OPCML: variants seen among roughly 807,000 people sequenced by gnomAD.
OPCML encodes opioid binding protein/cell adhesion molecule like, also known as opioid-binding protein/cell adhesion molecule.
In OPCML, 13 loss-of-function variants were observed where a neutral mutation model predicts 37.8. That is an observed-to-expected ratio of 0.34 (90% CI 0.22 to 0.55). The LOEUF (loss-of-function observed/expected upper bound fraction) is 0.55. Ranked by LOEUF, OPCML falls within the 20% of genes least tolerant of loss-of-function variation. The pLI is 0.91. For synonymous variants in OPCML, 176 were observed against 168.8 expected (o/e 1.04, Z -0.33); for missense variants, 341 against 435.6 (o/e 0.78, Z 1.93).
At chr11:132,507,057 A>G (rs2096258612) in intron 4 of OPCML, among the ~76,000 whole-genome samples, 1 of 152,030 alleles carries the variant, frequency 6.6e-6, no homozygotes, top group African/African-American at 2.4e-5. Flanking sequence ...AAAGTAGGAA[A>G]TACAATCTTA....
At chr11:133,309,664 C>T (rs910978702) in intron 1 of OPCML, among the ~76,000 whole-genome samples, 3 of 152,118 alleles carry the variant, frequency 2.0e-5, no homozygotes, top group African/African-American at 7.2e-5. Flanking sequence ...GATAATTATT[C>T]TATGGTTATA....
At chr11:132,597,596 T>C (rs1293677738) in intron 3 of OPCML, among the ~76,000 whole-genome samples, 1 of 152,174 alleles carries the variant, frequency 6.6e-6, no homozygotes, top group Non-Finnish European at 1.5e-5. Flanking sequence ...ACTACTGATA[T>C]TATTGATTAA....
chr11:133,219,696 A>G (rs933683624), intron 1 of OPCML, among the ~76,000 whole-genome samples: 8 of 152,136 alleles, frequency 5.3e-5, no homozygotes, highest in Non-Finnish European at 2.9e-5. Flanking sequence ...CCCTTGACAG[A>G]GGAGCCCAGA....
At chr11:133,126,340 C>A (rs544224201) in intron 1 of OPCML, among the ~76,000 whole-genome samples, 1 of 152,172 alleles carries the variant, frequency 6.6e-6, no homozygotes, top group African/African-American at 2.4e-5. Flanking sequence ...TGGATGATGC[C>A]CACGCACACT....
At chr11:133,058,811 A>G (rs529813549) in intron 1 of OPCML, among the ~76,000 whole-genome samples, 214 of 152,360 alleles carry the variant, frequency 1.4e-3, no homozygotes, top group Middle Eastern at 3.4e-3. Context: ...AAGGATAAAA[A>G]TAATCTGGCA....
intron 2 of OPCML, among the ~76,000 whole-genome samples, chr11:132,722,700 A>T (rs1316308508): frequency 1.3e-5 from 2 of 152,112 alleles, no homozygotes; most frequent in African/African-American, 4.8e-5. Flanking sequence ...AGGCATTAGC[A>T]GTAGGAGGGA....
intron 1 of OPCML, among the ~76,000 whole-genome samples, chr11:133,061,809 A>G (rs997847160): frequency 1.3e-5 from 2 of 151,976 alleles, no homozygotes; most frequent in Admixed American, 6.6e-5. Context: ...TCCGCAAGTC[A>G]GATTAGACAG....
At chr11:133,209,672 T>C (rs1939268715) in intron 1 of OPCML, among the ~76,000 whole-genome samples, 1 of 152,198 alleles carries the variant, frequency 6.6e-6, no homozygotes, top group Admixed American at 6.5e-5. Context: ...AGTGCACAGC[T>C]ACGAGTAGAC....
At chr11:132,701,944 C>T (rs1361323738) in intron 2 of OPCML, among the ~76,000 whole-genome samples, 3 of 151,984 alleles carry the variant, frequency 2.0e-5, no homozygotes, top group South Asian at 2.1e-4. Context: ...CAACCACATA[C>T]GAAATTCTAC....
At chr11:133,484,119 T>TAG (rs560599451) in intron 1 of OPCML, among the ~76,000 whole-genome samples, 13,794 of 149,778 alleles carry the variant, frequency 0.092, 1,073 homozygotes, top group African/African-American at 0.2. Context: ...AGATGATAGA[T>TAG]AGATGATTGA....
intron 2 of OPCML, among the ~76,000 whole-genome samples, chr11:132,756,895 A>T (rs1055180787): frequency 2.6e-5 from 4 of 152,144 alleles, no homozygotes; most frequent in African/African-American, 9.7e-5. Flanking sequence ...CCCATCATCT[A>T]CATTGGGTAT....
At chr11:132,928,180 C>A (rs1394823004) in intron 2 of OPCML, among the ~76,000 whole-genome samples, 1 of 151,968 alleles carries the variant, frequency 6.6e-6, no homozygotes, top group African/African-American at 2.4e-5. Flanking sequence ...TCTAAAAACA[C>A]AGATTGGCAG....
rs1944662029 is a variant in OPCML, at chr11:132,917,960, C to T, written c.146+24966G>A. ...GGTGCTCCATGATTTCTGGAAGAAA[C>T]TCATCCACTTCTACCTCCATGCTTG... On this transcript the variant is annotated intron_variant, in intron 2 of 7. Coordinates refer to ENST00000524381, the MANE Select transcript of OPCML (RefSeq NM_001012393.5). 2.0e-5 allele frequency among the ~76,000 whole-genome samples: 3 copies of T among 152,282 alleles called. No homozygotes were observed. In the South Asian group the frequency reaches 6.2e-4, roughly 32 times the overall value.
intron 1 of OPCML, among the ~76,000 whole-genome samples, chr11:133,471,575 C>A (rs1023782061): frequency 5.7e-4 from 86 of 152,178 alleles, no homozygotes; most frequent in African/African-American, 2.0e-3. Context: ...CACAGATATT[C>A]CACTGTATTC....
rs557584845 is a variant in OPCML, at chr11:132,433,488, T to A, written c.916+2598A>T. ...CTTGAAGCAGGCGTTAATGTCCCAA[T>A]AGCATATATGCGGGAAGGAAGACTC... is the stretch of plus-strand genomic sequence containing the variant. On this transcript the variant is annotated intron_variant, in intron 7 of 7. Coordinates refer to ENST00000524381, the MANE Select transcript of OPCML (RefSeq NM_001012393.5). Among the ~76,000 whole-genome samples, 3 of 152,292 alleles carry A rather than the reference T, an allele frequency of 2.0e-5. No individual in the cohort carries two copies. The South Asian group carries it at 6.2e-4, about 32-fold the overall frequency.
intron 3 of OPCML, among the ~76,000 whole-genome samples, chr11:132,559,578 CA>C (rs2096406000): frequency 6.6e-6 from 1 of 152,008 alleles, no homozygotes; most frequent in South Asian, 2.1e-4. Flanking sequence ...TTTTCCACTC[CA>C]AACACATCAC....
chr11:132,507,513 C>T (rs2096259781), intron 4 of OPCML, among the ~76,000 whole-genome samples: 5 of 151,778 alleles, frequency 3.3e-5, no homozygotes, highest in Admixed American at 3.3e-4. Context: ...ATAAACTTGA[C>T]AACTATCGAA....
chr11:133,467,546 G>A (rs1271266601), intron 1 of OPCML, among the ~76,000 whole-genome samples: 6 of 152,164 alleles, frequency 3.9e-5, no homozygotes, highest in African/African-American at 1.4e-4. Context: ...AAGACTGGAA[G>A]AGAATCTCCC....
intron 1 of OPCML, among the ~76,000 whole-genome samples, chr11:133,161,306 G>C (rs748531127): frequency 2.6e-5 from 4 of 152,208 alleles, no homozygotes; most frequent in Non-Finnish European, 5.9e-5. Flanking sequence ...AGTGGCATGA[G>C]TGTTATTGGA....
Sources: allele counts gnomAD v4.1 joint callset (sites outside exome capture counted in the v4.1 genomes callset), GRCh38; gene constraint gnomAD v4.1.1; transcripts MANE v1.5; gene names NCBI Gene and HGNC (gene_info 2026-07-23, HGNC 2026-07-21).